The following CCDC149 variants were observed in gnomAD, a reference collection of about 807,000 sequenced individuals.
The protein encoded by CCDC149 is coiled-coil domain-containing protein 149.
CCDC149 carries 45 observed loss-of-function variants against 59.9 expected under a neutral mutation model. That is an observed-to-expected ratio of 0.75 (90% CI 0.59 to 0.96). The LOEUF (loss-of-function observed/expected upper bound fraction) is 0.96, where lower values mean the gene tolerates loss of function less well. Among genes scored for constraint, CCDC149 ranks in the 40% least tolerant of loss-of-function variants. The pLI is 0.00. For missense variants in CCDC149, 584 were observed against 664.7 expected (o/e 0.88, Z 1.33); for synonymous variants, 245 against 260.6 (o/e 0.94, Z 0.58).
chr4:24,831,454 T>C, intron 9 of CCDC149, 52 bp downstream of exon 9: 1 of 1,596,696 alleles, frequency 6.3e-7, no homozygotes, highest in Non-Finnish European at 8.6e-7. Flanking sequence ...TCTGGTAGCC[T>C]CGTCCCACTT....
At chr4:24,920,257 C>T (rs1001237153) in intron 1 of CCDC149, among the ~76,000 whole-genome samples, 4 of 152,206 alleles carry the variant, frequency 2.6e-5, no homozygotes, top group Admixed American at 2.0e-4. Flanking sequence ...ATGGCCACAG[C>T]TGTGGTTATC....
chr4:24,845,434 C>T (rs1717226231), intron 4 of CCDC149, among the ~76,000 whole-genome samples: 1 of 152,202 alleles, frequency 6.6e-6, no homozygotes, highest in Non-Finnish European at 1.5e-5. Flanking sequence ...GTATCACCTC[C>T]TGACATATTA....
rs151175981 is a variant in CCDC149, at chr4:24,880,995, G to A, written c.64-4298C>T. On this transcript the variant is annotated intron_variant, in intron 1 of 12. Transcript: ENST00000635206. The stretch of plus-strand genomic sequence containing the variant: ...GTGCAGGAGAAAGCACGGGGTAAGG[G>A]CTCCAGTCCAGAAGGTACGACTCAC... Among the ~76,000 whole-genome samples the A allele has an allele frequency of 1.6e-3, 238 of 152,302 alleles. 1 individual carries two copies. The highest frequency in any genetic ancestry group is 5.4e-3 in the African/African-American group (223 of 41,562).
At chr4:24,922,239 C>T (rs1416955697) in intron 1 of CCDC149, among the ~76,000 whole-genome samples, 1 of 152,174 alleles carries the variant, frequency 6.6e-6, no homozygotes, top group East Asian at 1.9e-4. Context: ...CTTACAGCAA[C>T]TTTCTTTTCG....
At chr4:24,903,159 C>T (rs6814108) in intron 1 of CCDC149, among the ~76,000 whole-genome samples, 120,591 of 151,700 alleles carry the variant, frequency 0.79, 48,504 homozygotes, top group Non-Finnish European at 0.86. Context: ...AGAAGCCAGA[C>T]ATTCTGCCTT....
rs1261872491 is a variant in CCDC149 at position 24,808,589 on chromosome 4, CT to C, written c.1422del (p.Glu475ArgfsTer8). Reference sequence around the variant, plus strand: ...TCTATGGGACTCTCTCTTCTGACCTCTTCCAGTTCTGCAGCTGCCTGTTCCT... The same window carrying C: ...TCTATGGGACTCTCTCTTCTGACCTCTCCAGTTCTGCAGCTGCCTGTTCCT... On this transcript the variant is annotated frameshift_variant, in exon 13 of 13. Transcript: ENST00000635206. LOFTEE classifies it low-confidence loss of function (END_TRUNC). The C allele has an allele frequency of 3.9e-6, 6 of 1,552,158 alleles. No homozygotes were observed. The East Asian group carries it at 1.2e-4, about 32-fold the overall frequency.
intron 1 of CCDC149, among the ~76,000 whole-genome samples, chr4:24,964,825 G>T (rs896109469): frequency 3.3e-5 from 5 of 151,564 alleles, no homozygotes; most frequent in Admixed American, 6.6e-5. Flanking sequence ...TTAAAATCTT[G>T]AAGACAGCTA....
At chr4:24,850,816 G>A (rs1717610451) in intron 4 of CCDC149, among the ~76,000 whole-genome samples, 2 of 152,168 alleles carry the variant, frequency 1.3e-5, no homozygotes, top group South Asian at 4.1e-4. Flanking sequence ...AAGAAAGCCT[G>A]GTGCCATTAT....
chr4:24,920,532 T>C (rs925338114), intron 1 of CCDC149, among the ~76,000 whole-genome samples: 1 of 152,046 alleles, frequency 6.6e-6, no homozygotes, highest in Non-Finnish European at 1.5e-5. Context: ...TGGCATAGAG[T>C]CACTTCCACC....
chr4:24,931,481 A>G (rs1722585853), intron 1 of CCDC149, among the ~76,000 whole-genome samples: 2 of 151,406 alleles, frequency 1.3e-5, no homozygotes, highest in Admixed American at 1.3e-4. Flanking sequence ...GCTCTACACC[A>G]CCACTCAGGT....
chr4:24,911,291 C>A (rs1355174853), intron 1 of CCDC149, among the ~76,000 whole-genome samples: 1 of 152,214 alleles, frequency 6.6e-6, no homozygotes, highest in African/African-American at 2.4e-5. Context: ...TCCTTTAGTT[C>A]ACTCTCACTG....
At chr4:24,952,918 G>A (rs1022469841) in intron 1 of CCDC149, among the ~76,000 whole-genome samples, 4 of 151,760 alleles carry the variant, frequency 2.6e-5, no homozygotes, top group African/African-American at 9.7e-5. Context: ...CATGTAAGTG[G>A]AATCATAGAG....
intron 4 of CCDC149, among the ~76,000 whole-genome samples, chr4:24,851,312 GA>G (rs1444169367): frequency 9.9e-5 from 15 of 152,258 alleles, no homozygotes; most frequent in Middle Eastern, 3.4e-3. Flanking sequence ...ATCCATGCTA[GA>G]GTGCACTGGC....
intron 4 of CCDC149, among the ~76,000 whole-genome samples, chr4:24,848,247 G>A (rs1717432528): frequency 6.6e-6 from 1 of 152,058 alleles, no homozygotes; most frequent in South Asian, 2.1e-4. Context: ...CAGTATTGCA[G>A]TGCTTGTGTT....
At chr4:24,849,004 C>G (rs566458959) in intron 4 of CCDC149, among the ~76,000 whole-genome samples, 1 of 152,300 alleles carries the variant, frequency 6.6e-6, no homozygotes, top group African/African-American at 2.4e-5. Context: ...TAAGAAAGGA[C>G]TGCTGTCTTT....
At chr4:24,964,570 A>AT (rs1421311945) in intron 1 of CCDC149, among the ~76,000 whole-genome samples, 2 of 152,220 alleles carry the variant, frequency 1.3e-5, no homozygotes, top group Non-Finnish European at 2.9e-5. Flanking sequence ...CCCTAAAGCA[A>AT]TATTGACCTG....
chr4:24,875,017 C>T lies in CCDC149; in HGVS notation c.226-1298G>A, dbSNP rs114988896. ...TATTACCATGCAACTGTTTAAAAGA[C>T]TGAGTTAAAGGCTGGGCACGGTGGC... On this transcript the variant is annotated intron_variant, in intron 2 of 12. Coordinates refer to ENST00000635206, the MANE Select transcript of CCDC149 (RefSeq NM_001330643.2). Among the ~76,000 whole-genome samples, 606 of 152,248 alleles carry T rather than the reference C, an allele frequency of 4.0e-3. 8 individuals carry two copies. The highest frequency in any genetic ancestry group is 0.014 in the African/African-American group (566 of 41,560).
chr4:24,864,908 A>G (rs957010657), intron 3 of CCDC149, among the ~76,000 whole-genome samples: 3 of 152,216 alleles, frequency 2.0e-5, no homozygotes, highest in Non-Finnish European at 4.4e-5. Flanking sequence ...CAGGTTCTGC[A>G]GGGCTGACTG....
At chr4:24,876,741 G>A (rs1254248541) in intron 1 of CCDC149, 44 bp from the exon 2 acceptor site, 2 of 1,556,834 alleles carry the variant, frequency 1.3e-6, no homozygotes, top group South Asian at 2.3e-5. Flanking sequence ...AAACATCCAT[G>A]GGCCTCCATT....
Sources: gnomAD v4.1 joint callset for allele counts (sites outside exome capture counted in the v4.1 genomes callset) on GRCh38, gnomAD v4.1.1 for gene constraint, MANE v1.5 for transcripts, NCBI Gene and HGNC (gene_info 2026-07-23, HGNC 2026-07-21) for gene names.